The following NRXN3 variants were observed in gnomAD, a reference collection of about 807,000 sequenced individuals.
NRXN3 encodes the protein neurexin III.
In NRXN3, 32 loss-of-function variants were observed where a neutral mutation model predicts 137.6. The ratio of observed to expected loss-of-function variants is 0.23; its 90% CI spans 0.18 to 0.31. The LOEUF is 0.31. NRXN3 is among the 10% of genes least tolerant of loss of function. NRXN3 has a pLI of 1.00. For missense variants in NRXN3, 1,574 were observed against 2,062.5 expected (o/e 0.76, Z 4.59); for synonymous variants, 798 against 784.5 (o/e 1.02, Z -0.29).
At chr14:79,418,329 C>A (rs2095527461) in intron 15 of NRXN3, among the ~76,000 whole-genome samples, 1 of 152,086 alleles carries the variant, frequency 6.6e-6, no homozygotes, top group Non-Finnish European at 1.5e-5. Context: ...GTTAGGTATA[C>A]AAGAGTGGAA....
At chr14:79,456,546 G>A (rs995387283) in intron 15 of NRXN3, among the ~76,000 whole-genome samples, 4 of 152,098 alleles carry the variant, frequency 2.6e-5, no homozygotes, top group African/African-American at 9.7e-5. Context: ...GGACAACATA[G>A]TGAAACCCTG....
chr14:78,357,644 A>G lies in NRXN3; in HGVS notation c.757+59784A>G, dbSNP rs189263772. Among the ~76,000 whole-genome samples the G allele has an allele frequency of 2.4e-4, 37 of 152,326 alleles. No homozygotes were observed. The Middle Eastern group carries it at 0.01, about 42-fold the overall frequency. On this transcript the variant is annotated intron_variant, in intron 4 of 20. Transcript: ENST00000335750. ...AAGCATGTCTTCTCTTATTTTAAGCATAGCCAATACAGAAGGCCTCAATAT... is the reference window on the plus strand; with the variant it reads ...AAGCATGTCTTCTCTTATTTTAAGCGTAGCCAATACAGAAGGCCTCAATAT...
At chr14:79,626,476 T>C (rs918118800) in intron 16 of NRXN3, among the ~76,000 whole-genome samples, 1 of 152,028 alleles carries the variant, frequency 6.6e-6, no homozygotes, top group African/African-American at 2.4e-5. Flanking sequence ...CAATGTAGTT[T>C]TAAATTTTCT....
intron 10 of NRXN3, among the ~76,000 whole-genome samples, chr14:78,812,149 C>A (rs952774372): frequency 2.6e-5 from 4 of 152,182 alleles, no homozygotes; most frequent in Non-Finnish European, 4.4e-5. Flanking sequence ...TTTCCATCAT[C>A]CCCAAGATTT....
At chr14:79,509,218 G>A (rs192095304) in intron 16 of NRXN3, among the ~76,000 whole-genome samples, 1 of 152,076 alleles carries the variant, frequency 6.6e-6, no homozygotes, top group Admixed American at 6.5e-5. Flanking sequence ...TAATAATAAT[G>A]CTTTGTGCAT....
intron 10 of NRXN3, among the ~76,000 whole-genome samples, chr14:78,880,847 G>A (rs937744150): frequency 2.6e-5 from 4 of 152,042 alleles, no homozygotes; most frequent in Admixed American, 2.0e-4. Flanking sequence ...ATTTAATATT[G>A]ATAAAACCAT....
chr14:79,075,248 A>G lies in NRXN3; in HGVS notation c.3262+87107A>G, dbSNP rs563917168. Among the ~76,000 whole-genome samples the G allele has an allele frequency of 2.0e-5, 3 of 152,238 alleles. No individual in the cohort carries two copies. The South Asian group carries it at 6.2e-4, about 32-fold the overall frequency. ...CAGAATAAAAATAGTTCCTTTCTGA[A>G]GAGGAACTATGAAAGTGTATACATG... On this transcript the variant is annotated intron_variant, in intron 15 of 20. Coordinates refer to ENST00000335750, the MANE Select transcript of NRXN3 (RefSeq NM_001330195.2).
At chr14:79,518,109 T>G (rs1038498320) in intron 16 of NRXN3, among the ~76,000 whole-genome samples, 6 of 151,968 alleles carry the variant, frequency 3.9e-5, no homozygotes, top group African/African-American at 1.4e-4. Context: ...TTCATCATGT[T>G]GGTCAGGCAG....
intron 6 of NRXN3, among the ~76,000 whole-genome samples, chr14:78,707,739 T>C (rs1265103275): frequency 2.0e-5 from 3 of 152,146 alleles, no homozygotes; most frequent in Non-Finnish European, 4.4e-5. Flanking sequence ...CCAAAGTCCA[T>C]GTATCATTCT....
At chr14:79,581,259 G>A (rs942142736) in intron 16 of NRXN3, among the ~76,000 whole-genome samples, 1 of 152,074 alleles carries the variant, frequency 6.6e-6, no homozygotes, top group Admixed American at 6.5e-5. Flanking sequence ...CTTGGCTCTT[G>A]GGATAAGCTT....
intron 8 of NRXN3, among the ~76,000 whole-genome samples, chr14:78,747,160 ATTC>A (rs2098612654): frequency 1.3e-5 from 2 of 152,176 alleles, no homozygotes; most frequent in South Asian, 4.1e-4. Flanking sequence ...GGTGTTTCAC[ATTC>A]TGCCACACCT....
chr14:79,839,449 C>T (rs1026946329), intron 20 of NRXN3, among the ~76,000 whole-genome samples: 2 of 152,080 alleles, frequency 1.3e-5, no homozygotes, highest in Non-Finnish European at 2.9e-5. Context: ...GAAAATGACA[C>T]AGGACAGATA....
At chr14:78,699,403 T>C (rs957143686) in intron 6 of NRXN3, among the ~76,000 whole-genome samples, 2 of 152,214 alleles carry the variant, frequency 1.3e-5, no homozygotes, top group African/African-American at 4.8e-5. Flanking sequence ...GAGGTTTTTA[T>C]ATAATGCTTC....
chr14:79,526,510 A>G (rs2097121956), intron 16 of NRXN3, among the ~76,000 whole-genome samples: 1 of 152,182 alleles, frequency 6.6e-6, no homozygotes, highest in Non-Finnish European at 1.5e-5. Flanking sequence ...GGCCTCATCT[A>G]GTCCTAAGAA....
chr14:79,124,393 A>T (rs758530142), intron 15 of NRXN3, among the ~76,000 whole-genome samples: 20 of 152,168 alleles, frequency 1.3e-4, no homozygotes, highest in Non-Finnish European at 2.4e-4. Context: ...AATGTAAGCC[A>T]TGTCATTTGC....
chr14:78,903,841 A>T (rs187600232), intron 10 of NRXN3, among the ~76,000 whole-genome samples: 335 of 152,206 alleles, frequency 2.2e-3, no homozygotes, highest in African/African-American at 7.3e-3. Flanking sequence ...CTGTTTATGC[A>T]ATGAAGTGCG....
intron 16 of NRXN3, among the ~76,000 whole-genome samples, chr14:79,591,542 TC>T (rs1245855386): frequency 1.3e-5 from 2 of 152,146 alleles, no homozygotes; most frequent in African/African-American, 2.4e-5. Context: ...AGAAAACTCT[TC>T]CACAGATTTT....
chr14:79,362,541 A>G (rs1003164062), intron 15 of NRXN3, among the ~76,000 whole-genome samples: 6 of 152,214 alleles, frequency 3.9e-5, no homozygotes, highest in Non-Finnish European at 7.3e-5. Flanking sequence ...TTAGACATAG[A>G]CAATATCAAC....
chr14:79,089,174 C>T (rs1266203608), intron 15 of NRXN3, among the ~76,000 whole-genome samples: 1 of 152,112 alleles, frequency 6.6e-6, no homozygotes, highest in Non-Finnish European at 1.5e-5. Flanking sequence ...CAAAGCCATG[C>T]AGGTAAGAGA....
Sources: gnomAD v4.1 joint callset for allele counts (sites outside exome capture counted in the v4.1 genomes callset) on GRCh38, gnomAD v4.1.1 for gene constraint, MANE v1.5 for transcripts, NCBI Gene and HGNC (gene_info 2026-07-23, HGNC 2026-07-21) for gene names.